PPTC7: variants seen among roughly 807,000 people sequenced by gnomAD.
PPTC7 encodes protein phosphatase targeting COQ7.
In PPTC7, 6 loss-of-function variants were observed where a neutral mutation model predicts 30.8. The ratio of observed to expected loss-of-function variants is 0.19; its 90% confidence interval spans 0.11 to 0.38. PPTC7 has a LOEUF of 0.38. Among genes scored for constraint, PPTC7 ranks in the 10% least tolerant of loss-of-function variants. The pLI, the probability that PPTC7 is intolerant of heterozygous loss-of-function variation, is 1.00. For missense variants in PPTC7, 218 were observed against 404.8 expected, an observed-to-expected ratio of 0.54 and a Z score of 3.96; for synonymous variants, 163 against 168.1, an observed-to-expected ratio of 0.97 and a Z score of 0.23.
At chr12:110,560,685 A>G (rs1037348987) in intron 1 of PPTC7, among the ~76,000 whole-genome samples, 1 of 152,228 alleles carries the variant, frequency 6.6e-6, no homozygotes, top group Admixed American at 6.5e-5. Flanking sequence ...CGCGATGCCT[A>G]GAGAATAAAT....
rs1241368589 is a variant in PPTC7 at position 110,552,640 on chromosome 12, G to A, written c.224-672C>T. Among the ~76,000 whole-genome samples, 5 of 152,198 alleles carry A rather than the reference G, an allele frequency of 3.3e-5. No homozygotes were observed. The East Asian group carries it at 5.8e-4, about 18-fold the overall frequency. On this transcript the variant is annotated intron_variant, in intron 1 of 5. Transcript: ENST00000354300. ...AGCACTCTGGGAGGCCGAGGCGGGC[G>A]GATCACGAGGTCAGGAGATCGAGAC...
At chr12:110,560,482 CCTAA>C (rs2064430355) in intron 1 of PPTC7, among the ~76,000 whole-genome samples, 1 of 152,186 alleles carries the variant, frequency 6.6e-6, no homozygotes, top group South Asian at 2.1e-4. Context: ...TACACAGTCA[CCTAA>C]CTGTGTAATT....
Position 110,574,141 on chromosome 12 carries a change from TAAAAAAAAAAAAAAAAAAA to T in PPTC7, c.223+8649_223+8667del, listed in dbSNP as rs58133391. On this transcript the variant is annotated intron_variant, in intron 1 of 5. Transcript: ENST00000354300. ...AGAGAGACTCTGTCTCCACAATAATTAAAAAAAAAAAAAAAAAAAAAAAAAAAAAAAAATTAAAAGCATT... is the reference window on the plus strand; with the variant it reads ...AGAGAGACTCTGTCTCCACAATAATTAAAAAAAAAAAAAATTAAAAGCATT... Among the ~76,000 whole-genome samples, 4 of 37,444 alleles carry T rather than the reference TAAAAAAAAAAAAAAAAAAA, an allele frequency of 1.1e-4. No homozygotes were observed. The East Asian group carries it at 4.2e-3, about 39-fold the overall frequency. 24.6% of individuals were successfully genotyped at this position (37,444 alleles called of 152,430 possible).
At chr12:110,538,670 T>G (rs2064235865) in intron 4 of PPTC7, among the ~76,000 whole-genome samples, 1 of 152,178 alleles carries the variant, frequency 6.6e-6, no homozygotes, top group Admixed American at 6.5e-5. Flanking sequence ...TGAAAATACC[T>G]TCAGAATTTT....
chr12:110,537,978 C>T (rs918274812), intron 5 of PPTC7, among the ~76,000 whole-genome samples, 166 bp downstream of exon 5: 4 of 152,248 alleles, frequency 2.6e-5, no homozygotes, highest in East Asian at 1.9e-4. Flanking sequence ...GAAGACATGA[C>T]GAAATGCACT....
At chr12:110,575,607 CAAAAAAAAAAAAA>C (rs55831249) in intron 1 of PPTC7, among the ~76,000 whole-genome samples, 2 of 26,520 alleles carry the variant, frequency 7.5e-5, no homozygotes, top group African/African-American at 1.4e-4. Context: ...AACCCCACCT[CAAAAAAAAAAAAA>C]AAAAAAAAAA....
intron 2 of PPTC7, among the ~76,000 whole-genome samples, chr12:110,548,433 C>CATTA (rs2135769079): frequency 6.6e-6 from 1 of 152,274 alleles, no homozygotes; most frequent in South Asian, 2.1e-4. Context: ...CTATGCTAGC[C>CATTA]ATTAAGTGTC....
chr12:110,573,390 T>G (rs1426014285), intron 1 of PPTC7, among the ~76,000 whole-genome samples: 1 of 152,242 alleles, frequency 6.6e-6, no homozygotes, highest in East Asian at 1.9e-4. Flanking sequence ...GAGAATATGA[T>G]GCAGTTATGC....
intron 1 of PPTC7, among the ~76,000 whole-genome samples, chr12:110,569,207 C>A (rs573130463): frequency 6.6e-6 from 1 of 151,940 alleles, no homozygotes; most frequent in South Asian, 2.1e-4. Context: ...GTGGCGGGCA[C>A]CTGTAATCCC....
In PPTC7 at chr12:110,536,919, C is replaced by T. The variant is rs924774066; in HGVS notation, c.*118G>A. 1.4e-6 allele frequency: 1 copy of T among 736,066 alleles called. No homozygotes were observed. Among genetic ancestry groups the T allele is most frequent in the Admixed American group, 2.2e-5 (1 of 46,382 alleles). The allele number at this position is 736,066 out of a possible 1,614,324, so 45.6% of individuals were successfully genotyped here. On this transcript the variant is annotated 3_prime_UTR_variant, in exon 6 of 6. Coordinates refer to ENST00000354300, the MANE Select transcript of PPTC7 (RefSeq NM_139283.2). ...GAGTCTCAAGAAGACAGGCAAAAGACTTACATCACTGGCCATTGAGATCAG... is the reference window on the plus strand; with the variant it reads ...GAGTCTCAAGAAGACAGGCAAAAGATTTACATCACTGGCCATTGAGATCAG...
rs367949999 is a variant in PPTC7 at position 110,544,703 on chromosome 12, G to A, written c.602+1177C>T. Among the ~76,000 whole-genome samples, 213 of 152,114 alleles carry A rather than the reference G, an allele frequency of 1.4e-3. 2 individuals carry two copies. Among genetic ancestry groups the A allele is most frequent in the African/African-American group, 4.9e-3 (204 of 41,500 alleles). On this transcript the variant is annotated intron_variant, in intron 3 of 5. Transcript: ENST00000354300. ...ACAAAAATTAGCCAGGCATGGTGGC[G>A]GGCACCTGTAATCCCAGCTACTTGG...
chr12:110,581,639 C>T (rs1593171495), intron 1 of PPTC7, among the ~76,000 whole-genome samples: 2 of 152,326 alleles, frequency 1.3e-5, no homozygotes, highest in East Asian at 3.9e-4. Context: ...ATAAATTAAA[C>T]TGAGAACAAC....
rs2135754199 is a variant in PPTC7 at position 110,533,738 on chromosome 12, T to C, written c.*3299A>G. On this transcript the variant is annotated 3_prime_UTR_variant, in exon 6 of 6. Coordinates refer to ENST00000354300, the MANE Select transcript of PPTC7 (RefSeq NM_139283.2). ...TCATCCAAAGTACAAACGTTTACAA[T>C]TCGAGCCAATCTTGTTTACATTCTC... The C allele has an allele frequency of 6.6e-6, 1 of 152,326 alleles. No individual in the cohort carries two copies. The highest frequency in any genetic ancestry group is 1.9e-4 in the East Asian group (1 of 5,188). The allele number at this position is 152,326 out of a possible 1,614,324, so 9.4% of individuals were successfully genotyped here. A position where few individuals can be genotyped will look rare whatever the true frequency, so the allele number is the denominator to read the frequency against.
At chr12:110,567,461 G>A (rs2064494530) in intron 1 of PPTC7, among the ~76,000 whole-genome samples, 1 of 152,100 alleles carries the variant, frequency 6.6e-6, no homozygotes, top group African/African-American at 2.4e-5. Context: ...CCTAATTAAT[G>A]GCAGCCCAGC....
chr12:110,554,127 A>G (rs11065664), intron 1 of PPTC7, among the ~76,000 whole-genome samples: 4,038 of 152,334 alleles, frequency 0.027, 85 homozygotes, highest in Admixed American at 0.052. Flanking sequence ...TGCTGGGATT[A>G]TAAGCATCGG....
chr12:110,559,643 T>C (rs2135780399), intron 1 of PPTC7, among the ~76,000 whole-genome samples: 1 of 151,100 alleles, frequency 6.6e-6, no homozygotes, highest in Non-Finnish European at 1.5e-5. Context: ...GGAGAATCAC[T>C]TGAACCTGGG....
intron 1 of PPTC7, among the ~76,000 whole-genome samples, chr12:110,573,029 G>C (rs970622922): frequency 6.6e-6 from 1 of 152,096 alleles, no homozygotes; most frequent in African/African-American, 2.4e-5. Flanking sequence ...ACAGGCGCCC[G>C]ACACTACGCC....
At chr12:110,544,451 A>G (rs965485038) in intron 3 of PPTC7, among the ~76,000 whole-genome samples, 9 of 152,234 alleles carry the variant, frequency 5.9e-5, no homozygotes, top group African/African-American at 2.2e-4. Flanking sequence ...CTATAAAGCT[A>G]TAAGATTGTT....
Position 110,583,065 on chromosome 12 carries a change from C to CG in PPTC7, c.-35dup, listed in dbSNP as rs1171380373. ...CCGCCCCCCCGAGGAGGCGGGGGGC[C>CG]GGGGGAGCAGGAGGACGCGGAGGCC... On this transcript the variant is annotated 5_prime_UTR_variant, in exon 1 of 6. Transcript: ENST00000354300. 38 of 1,359,936 alleles carry CG rather than the reference C, an allele frequency of 2.8e-5. No individual in the cohort carries two copies. Among genetic ancestry groups the CG allele is most frequent in the Admixed American group, 8.0e-5 (2 of 25,074 alleles). 84.2% of individuals were successfully genotyped at this position (1,359,936 alleles called of 1,614,324 possible). A position where few individuals can be genotyped will look rare whatever the true frequency, so the allele number is the denominator to read the frequency against.
Sources: gnomAD v4.1 joint callset for allele counts (sites outside exome capture counted in the v4.1 genomes callset) on GRCh38, gnomAD v4.1.1 for gene constraint, MANE v1.5 for transcripts, NCBI Gene and HGNC (gene_info 2026-07-23, HGNC 2026-07-21) for gene names.